The following MGAT4C variants were observed in gnomAD, a reference collection of about 807,000 sequenced individuals.
The protein encoded by MGAT4C is MGAT4 family member C, also known as alpha-1,3-mannosyl-glycoprotein 4-beta-N-acetylglucosaminyltransferase C.
Under a neutral mutation model 40.1 loss-of-function variants are expected in MGAT4C, and 19 were observed. That is an observed-to-expected ratio of 0.47 (90% confidence interval 0.33 to 0.70). The LOEUF is 0.70. Ranked by LOEUF, MGAT4C falls within the 30% of genes least tolerant of loss-of-function variation. The probability of loss-of-function intolerance (pLI) is 0.02; values close to 1 mark genes in which losing one functional copy is unlikely to be tolerated. For synonymous variants in MGAT4C, 181 were observed against 187.1 expected, an observed-to-expected ratio of 0.97 and a Z score of 0.27; for missense variants, 491 against 563.2, an observed-to-expected ratio of 0.87 and a Z score of 1.30.
At chr12:86,387,882 T>C (rs1225197586) in intron 3 of MGAT4C, among the ~76,000 whole-genome samples, 1 of 152,172 alleles carries the variant, frequency 6.6e-6, no homozygotes, top group Admixed American at 6.5e-5. Context: ...ATTTGATGAA[T>C]GTGTATATCT....
intron 2 of MGAT4C, among the ~76,000 whole-genome samples, chr12:86,588,118 G>A (rs1020976673): frequency 2.4e-4 from 36 of 151,650 alleles, no homozygotes; most frequent in African/African-American, 6.3e-4. Context: ...TTTGAGATAC[G>A]TCCCATCAAT....
chr12:86,685,797 T>C (rs1326695166), intron 2 of MGAT4C, among the ~76,000 whole-genome samples: 3 of 152,138 alleles, frequency 2.0e-5, no homozygotes, highest in Non-Finnish European at 4.4e-5. Flanking sequence ...GTAGCAATTG[T>C]GAATGGGAGT....
At chr12:86,484,615 C>T (rs1957987427) in intron 2 of MGAT4C, among the ~76,000 whole-genome samples, 1 of 152,194 alleles carries the variant, frequency 6.6e-6, no homozygotes, top group Admixed American at 6.5e-5. Flanking sequence ...TGGGAGGATC[C>T]CCCACACTCA....
intron 2 of MGAT4C, among the ~76,000 whole-genome samples, chr12:86,032,399 T>C (rs1014785792): frequency 2.0e-5 from 3 of 150,420 alleles, no homozygotes; most frequent in Non-Finnish European, 4.5e-5. Flanking sequence ...AAGCGTTCCC[T>C]TTTCTCTGCA....
At chr12:86,664,583 A>T (rs1964057260) in intron 2 of MGAT4C, among the ~76,000 whole-genome samples, 1 of 152,264 alleles carries the variant, frequency 6.6e-6, no homozygotes, top group African/African-American at 2.4e-5. Context: ...AGAATGCTAT[A>T]TTGATTTTTT....
At chr12:86,600,700 C>G (rs547086020) in intron 2 of MGAT4C, among the ~76,000 whole-genome samples, 1 of 152,222 alleles carries the variant, frequency 6.6e-6, no homozygotes, top group Admixed American at 6.5e-5. Context: ...GCCAGGGCTG[C>G]GCACTCTGCG....
chr12:86,142,664 C>T (rs143413578), intron 1 of MGAT4C, among the ~76,000 whole-genome samples: 127 of 150,870 alleles, frequency 8.4e-4, no homozygotes, highest in African/African-American at 3.0e-3. Flanking sequence ...TTGGTGGTTA[C>T]AATAACTACA....
intron 2 of MGAT4C, among the ~76,000 whole-genome samples, chr12:86,047,292 T>G (rs185640264): frequency 6.6e-6 from 1 of 152,256 alleles, no homozygotes; most frequent in Admixed American, 6.5e-5. Flanking sequence ...CAAAAACATT[T>G]ACTTTTCTGC....
intron 1 of MGAT4C, among the ~76,000 whole-genome samples, chr12:86,768,947 C>G (rs1951571707): frequency 6.6e-6 from 1 of 151,960 alleles, no homozygotes; most frequent in African/African-American, 2.4e-5. Flanking sequence ...CCATGCAGGA[C>G]ATAGGCATGG....
At chr12:86,659,433 G>T in intron 2 of MGAT4C, among the ~76,000 whole-genome samples, 1 of 152,016 alleles carries the variant, frequency 6.6e-6, no homozygotes, top group Non-Finnish European at 1.5e-5. Context: ...ATCAAAATGG[G>T]AACGACAGTA....
At chr12:86,330,188 G>T (rs2136172238) in intron 4 of MGAT4C, among the ~76,000 whole-genome samples, 1 of 152,260 alleles carries the variant, frequency 6.6e-6, no homozygotes. Flanking sequence ...TATCTATAGG[G>T]TAGGAATGTT....
intron 1 of MGAT4C, among the ~76,000 whole-genome samples, chr12:86,228,035 A>C: frequency 6.6e-6 from 1 of 151,794 alleles, no homozygotes; most frequent in East Asian, 1.9e-4. Context: ...CTCCTTGTAT[A>C]GCTTATTCAC....
chr12:85,980,265 T>C lies in MGAT4C; in HGVS notation c.461A>G (p.Gln154Arg), dbSNP rs1371848028. ...FNSSWRDAMV[Q>R]DITQKFAHHI... ...GTGCGCAAATTTCTGTGTAATATCC[T>C]GGACCATGGCATCACGCCAGGAAGA... The change falls in exon 5 of 5, where the codon CAG (glutamine) becomes CGG (arginine). Residue 154 changes from glutamine to arginine, a missense_variant. Physicochemically the swap from Gln to Arg is conservative, Grantham distance 43. Transcript: ENST00000611864. 6.2e-7 allele frequency: 1 copy of C among 1,613,898 alleles called. No individual in the cohort carries two copies. The highest frequency in any genetic ancestry group is 1.3e-5 in the African/African-American group (1 of 74,926).
At chr12:86,101,884 A>G (rs1875139049) in intron 1 of MGAT4C, among the ~76,000 whole-genome samples, 1 of 151,932 alleles carries the variant, frequency 6.6e-6, no homozygotes, top group Non-Finnish European at 1.5e-5. Flanking sequence ...ACAGGATCAA[A>G]GTCTTAAATT....
chr12:86,700,601 G>C (rs1950344634), intron 2 of MGAT4C, among the ~76,000 whole-genome samples: 1 of 152,060 alleles, frequency 6.6e-6, no homozygotes, highest in Non-Finnish European at 1.5e-5. Flanking sequence ...ATGTATTATA[G>C]TGGGTGCATA....
At chr12:86,764,437 G>A (rs1271511960) in intron 1 of MGAT4C, among the ~76,000 whole-genome samples, 1 of 152,054 alleles carries the variant, frequency 6.6e-6, no homozygotes, top group East Asian at 1.9e-4. Context: ...TGGGGGCAGG[G>A]CACAGACAAA....
At chr12:86,326,850 C>G (rs921212061) in intron 4 of MGAT4C, among the ~76,000 whole-genome samples, 9 of 151,898 alleles carry the variant, frequency 5.9e-5, no homozygotes, top group African/African-American at 1.7e-4. Context: ...TTTAAAGGAG[C>G]CTTACTTCAC....
intron 2 of MGAT4C, among the ~76,000 whole-genome samples, chr12:86,558,032 C>T (rs1333759809): frequency 6.6e-6 from 1 of 151,150 alleles, no homozygotes; most frequent in Non-Finnish European, 1.5e-5. Context: ...AAAAAGCAAC[C>T]AAATAGAAAT....
chr12:86,210,437 T>G (rs1348344828), intron 1 of MGAT4C, among the ~76,000 whole-genome samples: 1 of 152,236 alleles, frequency 6.6e-6, no homozygotes, highest in Non-Finnish European at 1.5e-5. Flanking sequence ...TTTTCATTGT[T>G]GACAGTTTTT....
Sources: allele counts gnomAD v4.1 joint callset (sites outside exome capture counted in the v4.1 genomes callset), GRCh38; gene constraint gnomAD v4.1.1; transcripts MANE v1.5; gene names NCBI Gene and HGNC (gene_info 2026-07-23, HGNC 2026-07-21).